KCNN2: variants seen among roughly 807,000 people sequenced by gnomAD.
KCNN2 encodes small conductance calcium-activated potassium channel protein 2.
A neutral mutation model predicts 55.5 loss-of-function variants in KCNN2; 24 were observed. That is an observed-to-expected ratio of 0.43 (90% CI 0.31 to 0.61). The LOEUF is 0.61. Among genes scored for constraint, KCNN2 ranks in the 20% least tolerant of loss-of-function variants. The probability of loss-of-function intolerance (pLI) is 0.08; values close to 1 mark genes in which losing one functional copy is unlikely to be tolerated. For missense variants in KCNN2, 754 were observed against 853.6 expected (o/e 0.88, Z 1.45); for synonymous variants, 431 against 336.1 (o/e 1.28, Z -3.09).
chr5:114,073,239 C>T (rs930207141), intron 1 of KCNN2, among the ~76,000 whole-genome samples: 1 of 152,136 alleles, frequency 6.6e-6, no homozygotes, highest in Non-Finnish European at 1.5e-5. Flanking sequence ...GTATAGCATT[C>T]CCTCTGATGC....
chr5:114,296,297 G>T (rs891779773), intron 2 of KCNN2, among the ~76,000 whole-genome samples: 3 of 152,116 alleles, frequency 2.0e-5, no homozygotes, highest in African/African-American at 7.2e-5. Context: ...TGGCATCTTG[G>T]GCCCAAACTG....
At chr5:114,327,390 A>G (rs1756733334) in intron 2 of KCNN2, among the ~76,000 whole-genome samples, 1 of 152,210 alleles carries the variant, frequency 6.6e-6, no homozygotes, top group Non-Finnish European at 1.5e-5. Flanking sequence ...TTCACTAGAC[A>G]ATGGGATTTG....
Position 114,247,395 on chromosome 5 carries a change from C to T in KCNN2, c.-185+25830C>T, listed in dbSNP as rs1025015000. Reference sequence around the variant, plus strand: ...AAGTTTCCTTTAGATTAAAATGTATCAACAATGCATTATTAAATTTTATTA... The same window carrying T: ...AAGTTTCCTTTAGATTAAAATGTATTAACAATGCATTATTAAATTTTATTA... On this transcript the variant is annotated intron_variant, in intron 2 of 10. Coordinates refer to the KCNN2 transcript ENST00000512097. 5.9e-5 allele frequency among the ~76,000 whole-genome samples: 9 copies of T among 151,948 alleles called. No homozygotes were observed. The East Asian group carries it at 1.7e-3, about 29-fold the overall frequency.
rs545078155 is a variant in KCNN2, at chr5:114,101,391, C to A, written c.-271+44891C>A. 1.3e-4 allele frequency among the ~76,000 whole-genome samples: 19 copies of A among 148,994 alleles called. No homozygotes were observed. The South Asian group carries it at 3.9e-3, about 30-fold the overall frequency. On this transcript the variant is annotated intron_variant, in intron 1 of 10. Coordinates refer to the KCNN2 transcript ENST00000512097. ...GGCGCCATTTACATAGTGGTTTATG[C>A]CAGTGGCACCATCTATGGTTTTCTT...
intron 2 of KCNN2, among the ~76,000 whole-genome samples, chr5:114,310,196 G>T (rs1402360907): frequency 6.6e-6 from 1 of 152,006 alleles, no homozygotes; most frequent in African/African-American, 2.4e-5. Flanking sequence ...GTGCCCTTCT[G>T]TGTTTGCATA....
In KCNN2 at chr5:114,473,148, C is replaced by T; in HGVS notation, c.1874C>T (p.Thr625Ile). ...EKHVHNFMMD[T>I]QLTKRVKNAA... ...CACGTGCACAATTTCATGATGGATA[C>T]TCAGCTGACTAAAAGAGTAAGTTAC... Residue 625 changes from threonine to isoleucine, a missense_variant, in exon 5 of 8, where the codon ACT becomes ATT. This residue lies in a region of KCNN2 where 86 missense variants were observed against 233.0 expected (regional missense o/e 0.37). Transcript: ENST00000673685. The T allele has an allele frequency of 6.3e-7, 1 of 1,596,390 alleles. No homozygotes were observed. The highest frequency in any genetic ancestry group is 8.6e-7 in the Non-Finnish European group (1 of 1,165,492).
At chr5:114,406,857 T>A (rs763385322) in intron 3 of KCNN2, among the ~76,000 whole-genome samples, 2 of 152,008 alleles carry the variant, frequency 1.3e-5, no homozygotes, top group Non-Finnish European at 2.9e-5. Context: ...AAAGGTAGTA[T>A]ATAAGAGAGA....
intron 1 of KCNN2, among the ~76,000 whole-genome samples, chr5:114,120,873 A>G (rs1403123874): frequency 6.6e-6 from 1 of 152,200 alleles, no homozygotes; most frequent in Non-Finnish European, 1.5e-5. Context: ...ATAAGTATGT[A>G]TCTGCTGTAT....
chr5:114,266,997 T>C (rs976920707), intron 2 of KCNN2, among the ~76,000 whole-genome samples: 97 of 7,820 alleles, frequency 0.012, no homozygotes, highest in African/African-American at 0.019. Flanking sequence ...CCCTCCTTTT[T>C]TTTTTTTTTT....
chr5:114,270,472 T>C (rs538303692), intron 2 of KCNN2, among the ~76,000 whole-genome samples: 8 of 152,272 alleles, frequency 5.3e-5, no homozygotes, highest in African/African-American at 1.4e-4. Flanking sequence ...TATGGTAATA[T>C]ACTATAAAAG....
intron 2 of KCNN2, among the ~76,000 whole-genome samples, chr5:114,338,433 T>C (rs1005977019): frequency 6.6e-6 from 1 of 152,212 alleles, no homozygotes; most frequent in African/African-American, 2.4e-5. Context: ...CAATGTCCTT[T>C]AGTAAGTACC....
rs552513910 is a variant in KCNN2, at chr5:114,263,303, G to A, written c.-185+41738G>A. Among the ~76,000 whole-genome samples the A allele has an allele frequency of 2.0e-5, 3 of 152,318 alleles. No homozygotes were observed. In the East Asian group the frequency reaches 5.8e-4, roughly 29 times the overall value. The stretch of plus-strand genomic sequence containing the variant: ...CATTCCATGTTGAGAGAAGTCACAT[G>A]AAGTGAAGCCAGTGGTCACATCTAA... On this transcript the variant is annotated intron_variant, in intron 2 of 10. Coordinates refer to the KCNN2 transcript ENST00000512097.
intron 1 of KCNN2, among the ~76,000 whole-genome samples, chr5:114,154,035 C>T (rs1397263677): frequency 6.6e-6 from 1 of 152,140 alleles, no homozygotes; most frequent in Non-Finnish European, 1.5e-5. Flanking sequence ...GCCCCAGGTT[C>T]TTGCAGTATC....
intron 3 of KCNN2, among the ~76,000 whole-genome samples, chr5:114,455,961 T>C (rs1379592687): frequency 6.6e-6 from 1 of 152,204 alleles, no homozygotes; most frequent in Non-Finnish European, 1.5e-5. Context: ...AAAGAAACCA[T>C]CTTTATAACA....
intron 1 of KCNN2, among the ~76,000 whole-genome samples, chr5:114,116,501 G>A (rs955232066): frequency 1.3e-5 from 2 of 152,048 alleles, no homozygotes; most frequent in Non-Finnish European, 2.9e-5. Flanking sequence ...CATGTATATA[G>A]TATATGTAGA....
chr5:114,441,384 C>T (rs1169708015), intron 3 of KCNN2, among the ~76,000 whole-genome samples: 1 of 152,146 alleles, frequency 6.6e-6, no homozygotes. Flanking sequence ...ACATTCCCTT[C>T]CAGCACGCAT....
intron 1 of KCNN2, among the ~76,000 whole-genome samples, chr5:114,162,662 T>A (rs999986546): frequency 2.0e-5 from 3 of 152,198 alleles, no homozygotes; most frequent in Non-Finnish European, 4.4e-5. Flanking sequence ...AGTTTGAGCT[T>A]CCTGGTCACT....
chr5:114,464,160 CA>C (rs1406024171), intron 4 of KCNN2, among the ~76,000 whole-genome samples: 1 of 152,070 alleles, frequency 6.6e-6, no homozygotes, highest in Non-Finnish European at 1.5e-5. Context: ...TTTTTTGCTC[CA>C]TTTGTTTTTT....
At chr5:114,326,292 A>G (rs1318150549) in intron 2 of KCNN2, among the ~76,000 whole-genome samples, 1 of 152,204 alleles carries the variant, frequency 6.6e-6, no homozygotes, top group Non-Finnish European at 1.5e-5. Flanking sequence ...GATAGGGAAC[A>G]TTCCAGGTTG....
Sources: allele counts gnomAD v4.1 joint callset (sites outside exome capture counted in the v4.1 genomes callset), GRCh38; gene constraint gnomAD v4.1.1; regional missense constraint gnomAD v4.1.1; transcripts MANE v1.5; gene names NCBI Gene and HGNC (gene_info 2026-07-23, HGNC 2026-07-21).